BMP6: variants seen among roughly 807,000 people sequenced by gnomAD.
BMP6 encodes the protein bone morphogenetic protein 6.
BMP6 carries 17 observed loss-of-function variants against 54.1 expected under a neutral mutation model. That is an observed-to-expected ratio of 0.31 (90% CI 0.22 to 0.47). The LOEUF is 0.47. Among genes scored for constraint, BMP6 ranks in the 20% least tolerant of loss-of-function variants. BMP6 has a pLI of 1.00. For synonymous variants in BMP6, 328 were observed against 291.2 expected (o/e 1.13, Z -1.28); for missense variants, 720 against 690.4 (o/e 1.04, Z -0.48).
In BMP6 at chr6:7,861,444, C is replaced by G; in HGVS notation, c.858-7C>G. On this transcript the variant is annotated splice_region_variant and splice_polypyrimidine_tract_variant and intron_variant, in intron 2 of 6. Coordinates refer to ENST00000283147, the MANE Select transcript of BMP6 (RefSeq NM_001718.6). ...CTATTTACCAGGCCATTTTTTCTTT[C>G]TTTCAGAGACTCTGACCTGTTTTTG... The G allele has an allele frequency of 6.2e-7, 1 of 1,611,434 alleles. No individual in the cohort carries two copies. The highest frequency in any genetic ancestry group is 8.5e-7 in the Non-Finnish European group (1 of 1,179,196).
intron 1 of BMP6, among the ~76,000 whole-genome samples, chr6:7,833,672 G>A (rs993196639): frequency 3.3e-5 from 5 of 152,206 alleles, no homozygotes; most frequent in African/African-American, 1.2e-4. Flanking sequence ...TGATTTGATG[G>A]TGGTCATAAT....
chr6:7,786,460 GT>G (rs35750746), intron 1 of BMP6, among the ~76,000 whole-genome samples: 42,167 of 134,570 alleles, frequency 0.31, 6,575 homozygotes, highest in South Asian at 0.45. Context: ...TCTTTAGTCT[GT>G]TTTTTTTTTT....
At chr6:7,736,778 T>G (rs1761961605) in intron 1 of BMP6, among the ~76,000 whole-genome samples, 1 of 152,230 alleles carries the variant, frequency 6.6e-6, no homozygotes, top group Non-Finnish European at 1.5e-5. Context: ...GTGAATTCTC[T>G]CCATCTCTCT....
chr6:7,840,568 G>A (rs6919067), intron 1 of BMP6, among the ~76,000 whole-genome samples: 11,513 of 152,126 alleles, frequency 0.076, 728 homozygotes, highest in African/African-American at 0.17. Flanking sequence ...CCACTGGGAT[G>A]GTCTGAGGCA....
intron 1 of BMP6, among the ~76,000 whole-genome samples, chr6:7,771,831 T>C (rs1173880869): frequency 6.6e-6 from 1 of 152,038 alleles, no homozygotes; most frequent in African/African-American, 2.4e-5. Context: ...GGCGGGTGGA[T>C]CACCTGAGGT....
intron 1 of BMP6, among the ~76,000 whole-genome samples, chr6:7,772,157 CCTCT>C (rs1013361881): frequency 6.6e-6 from 1 of 152,154 alleles, no homozygotes; most frequent in African/African-American, 2.4e-5. Flanking sequence ...CACTCCCCTC[CCTCT>C]ATTTTACAGA....
chr6:7,754,987 G>A (rs1757490788), intron 1 of BMP6, among the ~76,000 whole-genome samples: 1 of 152,128 alleles, frequency 6.6e-6, no homozygotes, highest in African/African-American at 2.4e-5. Flanking sequence ...CAAAGTGCTG[G>A]GATTACAGGC....
At chr6:7,855,328 A>G (rs1759208533) in intron 2 of BMP6, among the ~76,000 whole-genome samples, 1 of 152,132 alleles carries the variant, frequency 6.6e-6, no homozygotes, top group South Asian at 2.1e-4. Context: ...GCAGATTCTC[A>G]GGCCCCTCCC....
intron 4 of BMP6, among the ~76,000 whole-genome samples, chr6:7,867,533 G>A (rs1020632334): frequency 7.9e-5 from 12 of 152,150 alleles, no homozygotes; most frequent in African/African-American, 1.7e-4. Context: ...TGACTGGGTC[G>A]GTCCACCATG....
At chr6:7,863,498 A>G (rs1049137511) in intron 4 of BMP6, among the ~76,000 whole-genome samples, 2 of 152,292 alleles carry the variant, frequency 1.3e-5, no homozygotes, top group South Asian at 2.1e-4. Context: ...GCCCTTCTTC[A>G]GCAGAAATCC....
intron 4 of BMP6, among the ~76,000 whole-genome samples, chr6:7,874,925 G>GA (rs1759584623): frequency 1.7e-4 from 20 of 119,180 alleles, no homozygotes; most frequent in South Asian, 7.0e-4. Context: ...TAGGATATAT[G>GA]GAGATATATA....
intron 2 of BMP6, among the ~76,000 whole-genome samples, chr6:7,849,610 A>G (rs1039391439): frequency 1.3e-5 from 2 of 152,164 alleles, no homozygotes; most frequent in Admixed American, 6.5e-5. Flanking sequence ...TCTTTAGAGA[A>G]TATCATTTTC....
chr6:7,815,278 GGATGT>G (rs1174527017), intron 1 of BMP6, among the ~76,000 whole-genome samples: 1 of 152,174 alleles, frequency 6.6e-6, no homozygotes, highest in Admixed American at 6.5e-5. Flanking sequence ...AGATATTTTT[GGATGT>G]GCCGCAACTG....
chr6:7,846,357 T>G (rs1433343284), intron 2 of BMP6, among the ~76,000 whole-genome samples: 3 of 152,200 alleles, frequency 2.0e-5, no homozygotes, highest in Non-Finnish European at 4.4e-5. Flanking sequence ...AAGAATGACT[T>G]TGGTTTTTCC....
intron 1 of BMP6, among the ~76,000 whole-genome samples, chr6:7,837,732 A>C (rs540051037): frequency 1.3e-5 from 2 of 152,294 alleles, no homozygotes; most frequent in South Asian, 2.1e-4. Flanking sequence ...CTCCGAACCC[A>C]CCACTAAAAA....
intron 1 of BMP6, among the ~76,000 whole-genome samples, chr6:7,833,612 C>G (rs1250063845): frequency 6.6e-6 from 1 of 152,186 alleles, no homozygotes; most frequent in African/African-American, 2.4e-5. Context: ...GATCATAAAA[C>G]TGAGTAGCAC....
intron 1 of BMP6, among the ~76,000 whole-genome samples, chr6:7,740,366 T>C (rs1178177014): frequency 6.6e-6 from 1 of 152,140 alleles, no homozygotes; most frequent in Non-Finnish European, 1.5e-5. Flanking sequence ...CAACCACTTG[T>C]TTTTCAAATT....
chr6:7,868,806 A>C (rs1425169582), intron 4 of BMP6, among the ~76,000 whole-genome samples: 1 of 152,194 alleles, frequency 6.6e-6, no homozygotes, highest in Non-Finnish European at 1.5e-5. Flanking sequence ...GGGTCAGCCC[A>C]GGGCAGCCGA....
intron 1 of BMP6, among the ~76,000 whole-genome samples, chr6:7,763,445 A>G (rs914309836): frequency 5.3e-5 from 8 of 152,228 alleles, no homozygotes; most frequent in Non-Finnish European, 1.2e-4. Flanking sequence ...TTCTACACAG[A>G]AAAACTTCAA....
Sources: gnomAD v4.1 joint callset for allele counts (sites outside exome capture counted in the v4.1 genomes callset) on GRCh38, gnomAD v4.1.1 for gene constraint, MANE v1.5 for transcripts, NCBI Gene and HGNC (gene_info 2026-07-23, HGNC 2026-07-21) for gene names.